WDFY4: variants seen among roughly 807,000 people sequenced by gnomAD.
The protein encoded by WDFY4 is WD repeat- and FYVE domain-containing protein 4.
WDFY4 carries 169 observed loss-of-function variants against 351.9 expected under a neutral mutation model. The ratio of observed to expected loss-of-function variants is 0.48; its 90% CI spans 0.42 to 0.55. The LOEUF (loss-of-function observed/expected upper bound fraction) is 0.55, where lower values mean the gene tolerates loss of function less well. Ranked by LOEUF, WDFY4 falls within the 20% of genes least tolerant of loss-of-function variation. WDFY4 has a pLI of 0.00. For synonymous variants in WDFY4, 1,622 were observed against 1,574.6 expected (o/e 1.03, Z -0.71); for missense variants, 3,803 against 3,935.6 (o/e 0.97, Z 0.90).
chr10:48,945,906 G>T, intron 49 of WDFY4, 134 bp from the exon 50 acceptor site: 1 of 575,654 alleles, frequency 1.7e-6, no homozygotes, highest in Non-Finnish European at 2.9e-6. Flanking sequence ...ACCCCAGCCT[G>T]CCAGCTAACC....
chr10:48,897,775 A>G (rs1241768369), intron 45 of WDFY4, among the ~76,000 whole-genome samples: 1 of 152,004 alleles, frequency 6.6e-6, no homozygotes, highest in Admixed American at 6.5e-5. Context: ...CTTCTGCTCC[A>G]CTCTGCAGTC....
Position 48,729,697 on chromosome 10 carries a change from G to C in WDFY4, c.1129+108G>C. On this transcript the variant is annotated intron_variant, in intron 8 of 61. Transcript: ENST00000325239. ...TGTGTACCTTTCAATGGTGCAGTAG[G>C]CTCTGATTCTGTCACAACCTTTGGG... 3 of 1,374,424 alleles carry C rather than the reference G, an allele frequency of 2.2e-6. 1 individual carries two copies. The South Asian group carries it at 4.5e-5, about 21-fold the overall frequency. 85.1% of individuals were successfully genotyped at this position (1,374,424 alleles called of 1,614,324 possible). A position where few individuals can be genotyped will look rare whatever the true frequency, so the allele number is the denominator to read the frequency against.
intron 24 of WDFY4, among the ~76,000 whole-genome samples, chr10:48,797,554 G>A (rs2066916748): frequency 6.6e-6 from 1 of 152,036 alleles, no homozygotes; most frequent in East Asian, 1.9e-4. Context: ...GTTATTTTGA[G>A]TCTAGTCTTT....
chr10:48,807,986 G>A (rs1479933271), intron 28 of WDFY4, 28 bp downstream of exon 28: 1 of 1,505,784 alleles, frequency 6.6e-7, no homozygotes, highest in East Asian at 2.6e-5. Flanking sequence ...GAGCAATTTG[G>A]CAGGAGGTTA....
At chr10:48,901,174 C>T (rs74915557) in intron 46 of WDFY4, among the ~76,000 whole-genome samples, 75 of 152,346 alleles carry the variant, frequency 4.9e-4, no homozygotes, top group East Asian at 2.3e-3. Context: ...TAGTTCTAGG[C>T]GCACTTCCTT....
chr10:48,787,923 T>C (rs899254250), intron 20 of WDFY4, among the ~76,000 whole-genome samples: 2 of 76,214 alleles, frequency 2.6e-5, no homozygotes, highest in African/African-American at 1.2e-4. Flanking sequence ...TTCTTCTTCT[T>C]CTTCTTCTTC....
chr10:48,961,159 A>G (rs1841842437), intron 53 of WDFY4, among the ~76,000 whole-genome samples: 1 of 152,232 alleles, frequency 6.6e-6, no homozygotes, highest in African/African-American at 2.4e-5. Flanking sequence ...CCTTTTCTGC[A>G]AAGAGAAAGT....
chr10:48,777,521 G>C, intron 17 of WDFY4, 26 bp downstream of exon 17: 1 of 1,542,804 alleles, frequency 6.5e-7, no homozygotes, highest in Non-Finnish European at 8.8e-7. Flanking sequence ...AGATGGTTTA[G>C]CTCTCCATCC....
At chr10:48,738,086 T>C (rs1388582709) in intron 11 of WDFY4, among the ~76,000 whole-genome samples, 1 of 152,216 alleles carries the variant, frequency 6.6e-6, no homozygotes, top group African/African-American at 2.4e-5. Context: ...AGGCATGTCC[T>C]AACCAGTCAG....
At chr10:48,915,433 C>G (rs894921203) in intron 47 of WDFY4, among the ~76,000 whole-genome samples, 2 of 151,238 alleles carry the variant, frequency 1.3e-5, no homozygotes, top group Non-Finnish European at 2.9e-5. Context: ...TTTTTTGGAC[C>G]AAGATTTCCA....
At chr10:48,876,385 T>A (rs1324696516) in intron 42 of WDFY4, among the ~76,000 whole-genome samples, 1 of 152,250 alleles carries the variant, frequency 6.6e-6, no homozygotes, top group Non-Finnish European at 1.5e-5. Context: ...AGAAGCCATA[T>A]GATCTTGTAC....
intron 46 of WDFY4, among the ~76,000 whole-genome samples, chr10:48,900,621 C>T (rs1373674763): frequency 6.6e-6 from 1 of 152,198 alleles, no homozygotes; most frequent in African/African-American, 2.4e-5. Flanking sequence ...GTTTAATGGG[C>T]CTTCCAGAAT....
At chr10:48,840,878 TA>T (rs777239005) in intron 39 of WDFY4, among the ~76,000 whole-genome samples, 9 of 152,348 alleles carry the variant, frequency 5.9e-5, no homozygotes, top group Non-Finnish European at 1.3e-4. Flanking sequence ...CTGATACCTT[TA>T]ATGATGTTTC....
chr10:48,817,023 G>A (rs1274625138), intron 31 of WDFY4, among the ~76,000 whole-genome samples: 1 of 152,202 alleles, frequency 6.6e-6, no homozygotes, highest in African/African-American at 2.4e-5. Flanking sequence ...GAGGGTTGTT[G>A]TGGGGTGAGA....
At chr10:48,765,469 G>A (rs997741429) in intron 13 of WDFY4, among the ~76,000 whole-genome samples, 3 of 152,236 alleles carry the variant, frequency 2.0e-5, no homozygotes, top group Non-Finnish European at 4.4e-5. Context: ...TTAGCATGGT[G>A]AGCAGAACAT....
intron 31 of WDFY4, among the ~76,000 whole-genome samples, chr10:48,816,250 G>A (rs937258801): frequency 1.3e-4 from 20 of 152,226 alleles, no homozygotes; most frequent in Admixed American, 1.2e-3. Context: ...TTGTGACTTA[G>A]GAGTTGAAGG....
chr10:48,803,941 G>A lies in WDFY4; in HGVS notation c.4484+582G>A, dbSNP rs568390766. 3.3e-5 allele frequency among the ~76,000 whole-genome samples: 5 copies of A among 152,306 alleles called. No individual in the cohort carries two copies. The Middle Eastern group carries it at 0.01, about 311-fold the overall frequency. On this transcript the variant is annotated intron_variant, in intron 25 of 61. Coordinates refer to ENST00000325239, the MANE Select transcript of WDFY4 (RefSeq NM_001394531.1). ...CAGGTTGCCCGGGCTTTCTTCTGTG[G>A]CAGAAGGTGGCTCCTGGGCAGCTCC...
intron 51 of WDFY4, 73 bp downstream of exon 51, chr10:48,947,042 A>C (rs1412715963): frequency 8.0e-7 from 1 of 1,250,858 alleles, no homozygotes; most frequent in Non-Finnish European, 1.1e-6. Context: ...CACAAGACTA[A>C]GACCTGTGCT....
At chr10:48,723,146 C>A (rs1341302705) in intron 4 of WDFY4, among the ~76,000 whole-genome samples, 1 of 150,320 alleles carries the variant, frequency 6.7e-6, no homozygotes, top group African/African-American at 2.4e-5. Flanking sequence ...TCCTTTCCAC[C>A]CTCCCTCCCT....
Sources: gnomAD v4.1 joint callset for allele counts (sites outside exome capture counted in the v4.1 genomes callset) on GRCh38, gnomAD v4.1.1 for gene constraint, MANE v1.5 for transcripts, NCBI Gene and HGNC (gene_info 2026-07-23, HGNC 2026-07-21) for gene names.